Variants in CTXN3 observed in about 807,000 individuals in gnomAD.
CTXN3 encodes the protein cortexin 3, also known as cortexin-3.
A neutral mutation model predicts 5.0 loss-of-function variants in CTXN3; 4 were observed. The observed-to-expected ratio is 0.79, with a 90% CI of 0.39 to 1.82. The LOEUF (loss-of-function observed/expected upper bound fraction) is 1.82. Ranked by LOEUF, CTXN3 falls within the 40% of genes most tolerant of loss-of-function variation. CTXN3 has a pLI of 0.04. For synonymous variants in CTXN3, 48 were observed against 38.6 expected (o/e 1.24, Z -0.91); for missense variants, 89 against 99.7 (o/e 0.89, Z 0.46).
Position 127,657,815 on chromosome 5 carries a change from CT to C in CTXN3, c.*50del. 6.2e-7 allele frequency: 1 copy of C among 1,604,704 alleles called. No individual in the cohort carries two copies. The highest frequency in any genetic ancestry group is 8.5e-7 in the Non-Finnish European group (1 of 1,173,528). The stretch of plus-strand genomic sequence containing the variant: ...CCTGAGGAGATGAAGTGCTTTGTGT[CT>C]TGGTGAGGATTCCCTTTATTTAGTG... On this transcript the variant is annotated 3_prime_UTR_variant, in exon 3 of 3. Coordinates refer to ENST00000379445, the MANE Select transcript of CTXN3 (RefSeq NM_001048252.3).
At position 127,655,606 on chromosome 5, in the gene CTXN3, G is replaced by A. The variant is rs540409023; in HGVS notation, c.-99-1817G>A. On this transcript the variant is annotated intron_variant, in intron 2 of 2. Coordinates refer to ENST00000379445, the MANE Select transcript of CTXN3 (RefSeq NM_001048252.3). ...CTGGTCTGATGTGCTGAGGAGACCT[G>A]CATTGGAGGCTCTGGCCTCCCTTCC... Among the ~76,000 whole-genome samples the A allele has an allele frequency of 5.3e-5, 8 of 152,326 alleles. No individual in the cohort carries two copies. In the South Asian group the frequency reaches 1.2e-3, roughly 24 times the overall value.
intron 2 of CTXN3, 50 bp from the exon 3 acceptor site, chr5:127,657,373 A>T (rs1749932651): frequency 4.8e-6 from 4 of 828,830 alleles, no homozygotes; most frequent in Non-Finnish European, 5.5e-6. Flanking sequence ...ACCTAAAAAA[A>T]TAAGGCTGCT....
intron 2 of CTXN3, 156 bp downstream of exon 2, chr5:127,653,579 C>G (rs1239133501): frequency 6.6e-6 from 1 of 152,162 alleles, no homozygotes; most frequent in Non-Finnish European, 1.5e-5. Context: ...TAAAAGCAAA[C>G]TTGCACATTT....
chr5:127,649,697 C>A (rs544846152), intron 1 of CTXN3, among the ~76,000 whole-genome samples: 1 of 149,976 alleles, frequency 6.7e-6, no homozygotes, highest in Admixed American at 6.6e-5. Flanking sequence ...AAGCTGTTTG[C>A]CCATTATCGT....
In CTXN3 at chr5:127,657,711, TG is replaced by T; in HGVS notation, c.193del (p.Ala65LeufsTer36). 1 of 1,614,186 alleles carries T rather than the reference TG, an allele frequency of 6.2e-7. No homozygotes were observed. On this transcript the variant is annotated frameshift_variant, in exon 3 of 3. Transcript: ENST00000379445. LOFTEE classifies it high-confidence loss of function. Reference sequence around the variant, plus strand: ...ATATCGAAGCATGCCAACCTCTACCTGGGCTGATGGACTTGAAGGCCTGGAG... The same window carrying T: ...ATATCGAAGCATGCCAACCTCTACCTGGCTGATGGACTTGAAGGCCTGGAG... Reference protein sequence around the residue: ...DPYRSMPTSTWADGLEGLEKG... With the variant: ...DPYRSMPTSTXADGLEGLEKG...
At chr5:127,651,832 AAAAAG>A (rs1561420523) in intron 1 of CTXN3, 2 of 152,162 alleles carry the variant, frequency 1.3e-5, no homozygotes, top group Non-Finnish European at 2.9e-5. Context: ...CTTAAAAAAA[AAAAAG>A]AAAAGAAACA....
intron 2 of CTXN3, among the ~76,000 whole-genome samples, chr5:127,654,789 G>A (rs960342149): frequency 3.3e-5 from 5 of 152,284 alleles, no homozygotes; most frequent in Non-Finnish European, 5.9e-5. Context: ...AGGTATCACC[G>A]TCCTAGTCAG....
In CTXN3 at chr5:127,657,914, G is replaced by A; in HGVS notation, c.*147G>A. The A allele has an allele frequency of 3.2e-6, 3 of 939,622 alleles. No homozygotes were observed. Among genetic ancestry groups the A allele is most frequent in the Non-Finnish European group, 3.2e-6 (2 of 633,086 alleles). 58.2% of individuals were successfully genotyped at this position (939,622 alleles called of 1,614,324 possible). A position where few individuals can be genotyped will look rare whatever the true frequency, so the allele number is the denominator to read the frequency against. On this transcript the variant is annotated 3_prime_UTR_variant, in exon 3 of 3. Transcript: ENST00000379445. ...CCATTATTCCATAAATATGCAGTTG[G>A]GTTAAAGACATTTGAGGATGTTGGA...
At chr5:127,653,941 A>G (rs980563868) in intron 2 of CTXN3, among the ~76,000 whole-genome samples, 3 of 152,056 alleles carry the variant, frequency 2.0e-5, no homozygotes, top group African/African-American at 7.2e-5. Flanking sequence ...TCCCTCCCCT[A>G]GGGCTCTCCA....
intron 1 of CTXN3, among the ~76,000 whole-genome samples, chr5:127,650,572 T>C (rs1432506440): frequency 6.6e-6 from 1 of 152,196 alleles, no homozygotes; most frequent in Non-Finnish European, 1.5e-5. Flanking sequence ...AGGAAATCTT[T>C]ACCTGAAGTT....
chr5:127,651,177 G>A (rs1203050183), intron 1 of CTXN3, among the ~76,000 whole-genome samples: 1 of 152,132 alleles, frequency 6.6e-6, no homozygotes, highest in East Asian at 1.9e-4. Flanking sequence ...ATCTTTGCAG[G>A]ATAAAGTGTC....
At position 127,654,856 on chromosome 5, in the gene CTXN3, T is replaced by C. The variant is rs538640687; in HGVS notation, c.-100+1433T>C. Reference sequence around the variant, plus strand: ...ACTCAAAAGGTTCTCTATCTAGTTCTTACCTGAATTTTTGGATTTCACAGA... The same window carrying C: ...ACTCAAAAGGTTCTCTATCTAGTTCCTACCTGAATTTTTGGATTTCACAGA... On this transcript the variant is annotated intron_variant, in intron 2 of 2. Coordinates refer to ENST00000379445, the MANE Select transcript of CTXN3 (RefSeq NM_001048252.3). Among the ~76,000 whole-genome samples, 7 of 152,296 alleles carry C rather than the reference T, an allele frequency of 4.6e-5. No individual in the cohort carries two copies. In the South Asian group the frequency reaches 1.2e-3, roughly 27 times the overall value.
intron 2 of CTXN3, among the ~76,000 whole-genome samples, chr5:127,653,981 G>A (rs1256830253): frequency 2.0e-5 from 3 of 152,138 alleles, no homozygotes; most frequent in African/African-American, 4.8e-5. Context: ...CACCATGCCT[G>A]TCTTCCTGTC....
chr5:127,657,218 C>T (rs1749928919), intron 2 of CTXN3, among the ~76,000 whole-genome samples: 1 of 152,086 alleles, frequency 6.6e-6, no homozygotes, highest in Admixed American at 6.5e-5. Flanking sequence ...CCCTCCTGGC[C>T]CCAGGTGGCT....
intron 1 of CTXN3, among the ~76,000 whole-genome samples, chr5:127,650,530 A>T (rs1326115503): frequency 6.6e-6 from 1 of 152,180 alleles, no homozygotes; most frequent in African/African-American, 2.4e-5. Context: ...GAGTGGGAGG[A>T]TTTAAAATCT....
chr5:127,656,647 C>G (rs1321292861), intron 2 of CTXN3, among the ~76,000 whole-genome samples: 1 of 152,122 alleles, frequency 6.6e-6, no homozygotes, highest in Non-Finnish European at 1.5e-5. Context: ...TTGGCTCAGG[C>G]AGTAGAAAGG....
chr5:127,654,865 T>C (rs184711100), intron 2 of CTXN3, among the ~76,000 whole-genome samples: 86 of 152,298 alleles, frequency 5.6e-4, no homozygotes, highest in African/African-American at 2.0e-3. Flanking sequence ...CTTACCTGAA[T>C]TTTTGGATTT....
At chr5:127,650,330 CT>C (rs1749758825) in intron 1 of CTXN3, among the ~76,000 whole-genome samples, 1 of 152,136 alleles carries the variant, frequency 6.6e-6, no homozygotes, top group Admixed American at 6.5e-5. Flanking sequence ...TGAAGACATC[CT>C]CATGTTTATG....
At position 127,657,370 on chromosome 5, in the gene CTXN3, A is replaced by G. The variant is rs554704537; in HGVS notation, c.-99-53A>G. The G allele has an allele frequency of 1.0e-4, 86 of 821,962 alleles. No homozygotes were observed. The African/African-American group carries it at 1.4e-3, about 13-fold the overall frequency. 50.9% of individuals were successfully genotyped at this position (821,962 alleles called of 1,614,324 possible). A position where few individuals can be genotyped will look rare whatever the true frequency, so the allele number is the denominator to read the frequency against. On this transcript the variant is annotated intron_variant, in intron 2 of 2. Transcript: ENST00000379445. ...TGAAAAATATGACTGTGAACCTAAA[A>G]AAATAAGGCTGCTATTTTATAGGTA...
Sources: allele counts gnomAD v4.1 joint callset (sites outside exome capture counted in the v4.1 genomes callset), GRCh38; gene constraint gnomAD v4.1.1; transcripts MANE v1.5; gene names NCBI Gene and HGNC (gene_info 2026-07-23, HGNC 2026-07-21).